THSD7A: variants seen among roughly 807,000 people sequenced by gnomAD.
THSD7A encodes thrombospondin type 1 domain containing 7A, also known as thrombospondin type-1 domain-containing protein 7A.
A neutral mutation model predicts 231.3 loss-of-function variants in THSD7A; 96 were observed. The observed-to-expected ratio is 0.41, with a 90% CI of 0.35 to 0.49. The LOEUF is 0.49. Ranked by LOEUF, THSD7A falls within the 20% of genes least tolerant of loss-of-function variation. The pLI is 0.05. For synonymous variants in THSD7A, 940 were observed against 743.3 expected (o/e 1.26, Z -4.30); for missense variants, 2,290 against 2,070.2 (o/e 1.11, Z -2.06).
At chr7:11,822,652 T>G (rs1429043275) in intron 1 of THSD7A, among the ~76,000 whole-genome samples, 4 of 152,094 alleles carry the variant, frequency 2.6e-5, no homozygotes, top group African/African-American at 9.6e-5. Context: ...TTGTAATAAT[T>G]TACATTCCCA....
At chr7:11,462,967 C>T (rs1381805576) in intron 9 of THSD7A, among the ~76,000 whole-genome samples, 2 of 152,116 alleles carry the variant, frequency 1.3e-5, no homozygotes, top group Non-Finnish European at 2.9e-5. Flanking sequence ...AGATTACGTA[C>T]ACTTTAACGA....
At chr7:11,778,156 CAAAA>C (rs57740181) in intron 1 of THSD7A, among the ~76,000 whole-genome samples, 109 of 45,062 alleles carry the variant, frequency 2.4e-3, no homozygotes, top group African/African-American at 6.7e-3. Context: ...GACTCCGTCT[CAAAA>C]AAAAAAAAAA....
At chr7:11,409,013 A>C (rs1205300590) in intron 19 of THSD7A, among the ~76,000 whole-genome samples, 1 of 152,196 alleles carries the variant, frequency 6.6e-6, no homozygotes, top group African/African-American at 2.4e-5. Flanking sequence ...CATATCCACC[A>C]CTTACACATT....
chr7:11,633,688 G>C (rs1049500280), intron 2 of THSD7A, among the ~76,000 whole-genome samples: 2 of 152,114 alleles, frequency 1.3e-5, no homozygotes, highest in Non-Finnish European at 1.5e-5. Context: ...TGTCAGAATA[G>C]AGTTTCATTT....
intron 5 of THSD7A, 77 bp from the exon 6 acceptor site, chr7:11,541,708 A>C (rs915166130): frequency 1.4e-6 from 2 of 1,383,614 alleles, no homozygotes; most frequent in African/African-American, 1.4e-5. Context: ...AAAACCTCAG[A>C]GTAAAAGTTG....
chr7:11,448,005 G>A (rs141186479), intron 11 of THSD7A, among the ~76,000 whole-genome samples: 64 of 152,156 alleles, frequency 4.2e-4, no homozygotes, highest in African/African-American at 1.2e-3. Context: ...TACATTTCAA[G>A]TTTATTAGGA....
chr7:11,495,984 G>T, intron 6 of THSD7A, among the ~76,000 whole-genome samples: 1 of 152,146 alleles, frequency 6.6e-6, no homozygotes, highest in East Asian at 1.9e-4. Context: ...AATCTTGTCA[G>T]CTAGTCTTCT....
intron 1 of THSD7A, among the ~76,000 whole-genome samples, chr7:11,691,392 G>C (rs1562480150): frequency 6.6e-6 from 1 of 151,382 alleles, no homozygotes; most frequent in Non-Finnish European, 1.5e-5. Flanking sequence ...ATTTAACCTG[G>C]TTCAGGGTGT....
chr7:11,376,098 T>TA (rs1179194026), intron 27 of THSD7A, among the ~76,000 whole-genome samples: 1 of 152,114 alleles, frequency 6.6e-6, no homozygotes, highest in Admixed American at 6.6e-5. Flanking sequence ...TTCACTACCC[T>TA]ACAAAAGATA....
At chr7:11,465,056 T>G (rs1293355289) in intron 9 of THSD7A, among the ~76,000 whole-genome samples, 1 of 152,182 alleles carries the variant, frequency 6.6e-6, no homozygotes, top group Non-Finnish European at 1.5e-5. Flanking sequence ...CTGCTTGTAT[T>G]TATGCTCATT....
At chr7:11,640,911 T>G (rs1782054900) in intron 1 of THSD7A, among the ~76,000 whole-genome samples, 3 of 152,116 alleles carry the variant, frequency 2.0e-5, no homozygotes, top group Admixed American at 2.0e-4. Flanking sequence ...GAGTATATCT[T>G]CATTCTTTAG....
At chr7:11,468,973 AAC>A (rs1785823497) in intron 9 of THSD7A, among the ~76,000 whole-genome samples, 1 of 152,210 alleles carries the variant, frequency 6.6e-6, no homozygotes, top group African/African-American at 2.4e-5. Context: ...AAAATATAGT[AAC>A]ACAGTAAAAG....
At chr7:11,750,101 T>G (rs186272323) in intron 1 of THSD7A, among the ~76,000 whole-genome samples, 16 of 151,758 alleles carry the variant, frequency 1.1e-4, no homozygotes, top group African/African-American at 3.4e-4. Flanking sequence ...CTGGTAAAAT[T>G]TACAGGGAGC....
chr7:11,404,290 A>G (rs1783508616), intron 22 of THSD7A, among the ~76,000 whole-genome samples: 1 of 152,194 alleles, frequency 6.6e-6, no homozygotes, highest in Non-Finnish European at 1.5e-5. Context: ...GTAACAGTCA[A>G]ATGAGTGAGT....
At chr7:11,594,297 C>A (rs1467409199) in intron 2 of THSD7A, among the ~76,000 whole-genome samples, 1 of 152,158 alleles carries the variant, frequency 6.6e-6, no homozygotes, top group Non-Finnish European at 1.5e-5. Flanking sequence ...ATACATATAT[C>A]TATCCTATCA....
intron 1 of THSD7A, among the ~76,000 whole-genome samples, chr7:11,818,005 C>T (rs1411059397): frequency 6.6e-6 from 1 of 152,168 alleles, no homozygotes; most frequent in Non-Finnish European, 1.5e-5. Flanking sequence ...TCCCTGAATA[C>T]AGTGGACCTC....
chr7:11,792,501 C>T (rs1252063359), intron 1 of THSD7A, among the ~76,000 whole-genome samples: 1 of 151,876 alleles, frequency 6.6e-6, no homozygotes, highest in Non-Finnish European at 1.5e-5. Context: ...TGGGGACAAT[C>T]TAATCACAGC....
At chr7:11,714,599 C>T (rs1781074111) in intron 1 of THSD7A, among the ~76,000 whole-genome samples, 1 of 151,150 alleles carries the variant, frequency 6.6e-6, no homozygotes, top group Admixed American at 6.6e-5. Flanking sequence ...TAGAATTAGC[C>T]ACCTTTCTCA....
intron 2 of THSD7A, among the ~76,000 whole-genome samples, chr7:11,631,951 T>A (rs1781671881): frequency 6.6e-6 from 1 of 152,172 alleles, no homozygotes; most frequent in Admixed American, 6.5e-5. Context: ...TAAAAAGGCC[T>A]GCTTGGAGGG....
Sources: allele counts gnomAD v4.1 joint callset (sites outside exome capture counted in the v4.1 genomes callset), GRCh38; gene constraint gnomAD v4.1.1; transcripts MANE v1.5; gene names NCBI Gene and HGNC (gene_info 2026-07-23, HGNC 2026-07-21).